Variants in CNTNAP2 observed in about 807,000 individuals in gnomAD.
CNTNAP2 encodes contactin associated protein 2.
CNTNAP2 carries 98 observed loss-of-function variants against 155.2 expected under a neutral mutation model. The observed-to-expected ratio is 0.63, with a 90% CI of 0.54 to 0.75. The LOEUF is 0.75. Among genes scored for constraint, CNTNAP2 ranks in the 30% least tolerant of loss-of-function variants. The pLI is 0.00. For synonymous variants in CNTNAP2, 651 were observed against 631.2 expected, an observed-to-expected ratio of 1.03 and a Z score of -0.47; for missense variants, 1,727 against 1,688.1, an observed-to-expected ratio of 1.02 and a Z score of -0.40.
intron 10 of CNTNAP2, among the ~76,000 whole-genome samples, chr7:147,469,071 C>T (rs1285637649): frequency 6.6e-6 from 1 of 152,118 alleles, no homozygotes; most frequent in Non-Finnish European, 1.5e-5. Flanking sequence ...GATCCACCCA[C>T]CTCAGCCTCC....
At chr7:148,065,863 T>C (rs1803248541) in intron 15 of CNTNAP2, among the ~76,000 whole-genome samples, 1 of 152,184 alleles carries the variant, frequency 6.6e-6, no homozygotes, top group Admixed American at 6.5e-5. Flanking sequence ...TGTCACCGTG[T>C]TATTGTATTG....
intron 1 of CNTNAP2, among the ~76,000 whole-genome samples, chr7:146,211,076 G>C (rs1799027214): frequency 6.6e-6 from 1 of 152,116 alleles, no homozygotes; most frequent in Non-Finnish European, 1.5e-5. Context: ...TAGAGGCCTT[G>C]CAAACATAAA....
At chr7:147,309,622 A>G (rs188600647) in intron 9 of CNTNAP2, among the ~76,000 whole-genome samples, 1 of 152,202 alleles carries the variant, frequency 6.6e-6, no homozygotes, top group Admixed American at 6.5e-5. Context: ...ACTCTGTGTC[A>G]ATTAACATTT....
intron 2 of CNTNAP2, among the ~76,000 whole-genome samples, chr7:146,793,527 G>T (rs114645434): frequency 0.015 from 2,277 of 152,282 alleles, 55 homozygotes; most frequent in African/African-American, 0.05. Flanking sequence ...AGAGATGGCA[G>T]AATTATAATA....
At chr7:148,310,285 T>G (rs1797569871) in intron 21 of CNTNAP2, among the ~76,000 whole-genome samples, 1 of 152,122 alleles carries the variant, frequency 6.6e-6, no homozygotes, top group Non-Finnish European at 1.5e-5. Flanking sequence ...TTGATTTAGG[T>G]AAAAACAACA....
At chr7:147,022,274 G>C (rs1187021019) in intron 3 of CNTNAP2, among the ~76,000 whole-genome samples, 1 of 152,084 alleles carries the variant, frequency 6.6e-6, no homozygotes, top group African/African-American at 2.4e-5. Flanking sequence ...TCCTAGATCA[G>C]TCCACAGCTG....
chr7:146,933,660 A>G (rs965905456), intron 3 of CNTNAP2, among the ~76,000 whole-genome samples: 8 of 148,952 alleles, frequency 5.4e-5, no homozygotes, highest in Admixed American at 4.7e-4. Flanking sequence ...CAACCTACAA[A>G]ATGGGAGAAA....
chr7:147,641,608 T>C (rs1795279820), intron 13 of CNTNAP2, among the ~76,000 whole-genome samples: 1 of 152,102 alleles, frequency 6.6e-6, no homozygotes, highest in Non-Finnish European at 1.5e-5. Context: ...AATGTGACTA[T>C]ATTTGGAGAT....
intron 14 of CNTNAP2, among the ~76,000 whole-genome samples, chr7:147,962,576 G>A (rs927461102): frequency 2.0e-5 from 3 of 152,178 alleles, no homozygotes; most frequent in African/African-American, 7.2e-5. Context: ...CTGTTTGTTG[G>A]ACAGTAAAGG....
intron 2 of CNTNAP2, among the ~76,000 whole-genome samples, chr7:146,800,760 C>A (rs1802861142): frequency 6.6e-6 from 1 of 152,010 alleles, no homozygotes; most frequent in South Asian, 2.1e-4. Flanking sequence ...TCAATTATTT[C>A]AAAAACATGA....
chr7:147,047,009 G>A (rs1246201576), intron 4 of CNTNAP2, among the ~76,000 whole-genome samples: 3 of 144,120 alleles, frequency 2.1e-5, no homozygotes, highest in Non-Finnish European at 4.5e-5. Flanking sequence ...TCCAACCTGG[G>A]CGACAGAGCC....
In CNTNAP2 at chr7:146,519,655, A is replaced by G. The variant is rs149604408; in HGVS notation, c.98-254616A>G. Among the ~76,000 whole-genome samples the G allele has an allele frequency of 4.9e-4, 75 of 152,006 alleles. 1 individual carries two copies. The East Asian group carries it at 0.011, about 22-fold the overall frequency. On this transcript the variant is annotated intron_variant, in intron 1 of 23. Coordinates refer to ENST00000361727, the MANE Select transcript of CNTNAP2 (RefSeq NM_014141.6). ...TGTTGACTTTCAGAAGTGAACTGAA[A>G]TGTATGAGAAATCTGGAAATATGGT...
At chr7:147,511,179 C>T (rs1799013962) in intron 11 of CNTNAP2, among the ~76,000 whole-genome samples, 1 of 151,894 alleles carries the variant, frequency 6.6e-6, no homozygotes, top group Admixed American at 6.6e-5. Flanking sequence ...AACTGCAGTC[C>T]TTTGCAGTTT....
At chr7:147,799,109 A>G (rs192358002) in intron 13 of CNTNAP2, among the ~76,000 whole-genome samples, 1 of 152,328 alleles carries the variant, frequency 6.6e-6, no homozygotes, top group Admixed American at 6.5e-5. Context: ...AGGCATGAAA[A>G]TAATAAGAGA....
At chr7:146,118,276 A>G (rs1387838382) in intron 1 of CNTNAP2, among the ~76,000 whole-genome samples, 2 of 152,198 alleles carry the variant, frequency 1.3e-5, no homozygotes, top group African/African-American at 2.4e-5. Flanking sequence ...ACTAACTGGC[A>G]ATCTAAGTTT....
intron 2 of CNTNAP2, among the ~76,000 whole-genome samples, chr7:146,781,105 G>A (rs1167744936): frequency 6.6e-6 from 1 of 151,896 alleles, no homozygotes; most frequent in Admixed American, 6.6e-5. Flanking sequence ...GCTGGCGCCT[G>A]TAGTCCCAGC....
intron 1 of CNTNAP2, among the ~76,000 whole-genome samples, chr7:146,537,201 A>T (rs1797882322): frequency 6.6e-6 from 1 of 152,124 alleles, no homozygotes; most frequent in Non-Finnish European, 1.5e-5. Context: ...CAACTTTATG[A>T]ATGTGTCCTA....
intron 13 of CNTNAP2, among the ~76,000 whole-genome samples, chr7:147,780,199 A>G (rs1584951306): frequency 6.6e-6 from 1 of 152,218 alleles, no homozygotes; most frequent in Non-Finnish European, 1.5e-5. Flanking sequence ...CTGAAGGAGC[A>G]AAATGTCAGT....
At chr7:146,789,120 A>C (rs1288481336) in intron 2 of CNTNAP2, among the ~76,000 whole-genome samples, 1 of 152,244 alleles carries the variant, frequency 6.6e-6, no homozygotes, top group Non-Finnish European at 1.5e-5. Flanking sequence ...TTGATGAATA[A>C]GAAAACTGAG....
Sources: gnomAD v4.1 joint callset for allele counts (sites outside exome capture counted in the v4.1 genomes callset) on GRCh38, gnomAD v4.1.1 for gene constraint, MANE v1.5 for transcripts, NCBI Gene and HGNC (gene_info 2026-07-23, HGNC 2026-07-21) for gene names.